Variants in TACR1 observed in about 807,000 individuals in gnomAD.
TACR1 encodes substance-P receptor.
Under a neutral mutation model 35.8 loss-of-function variants are expected in TACR1, and 25 were observed. That is an observed-to-expected ratio of 0.70 (90% CI 0.51 to 0.98). The LOEUF is 0.98. Among genes scored for constraint, TACR1 ranks in the 50% least tolerant of loss-of-function variants. The pLI, the probability that TACR1 is intolerant of heterozygous loss-of-function variation, is 0.00. For synonymous variants in TACR1, 195 were observed against 206.7 expected, an observed-to-expected ratio of 0.94 and a Z score of 0.48; for missense variants, 478 against 522.9, an observed-to-expected ratio of 0.91 and a Z score of 0.84.
intron 1 of TACR1, among the ~76,000 whole-genome samples, chr2:75,147,784 G>A (rs1674546211): frequency 6.7e-6 from 1 of 150,186 alleles, no homozygotes; most frequent in Non-Finnish European, 1.5e-5. Context: ...CCCTCTGTAG[G>A]CCAGGCTGGA....
chr2:75,096,427 T>G (rs950027202), intron 2 of TACR1, among the ~76,000 whole-genome samples: 6 of 152,210 alleles, frequency 3.9e-5, no homozygotes, highest in Admixed American at 3.3e-4. Context: ...AGATCTGGAT[T>G]TAAATCCTGG....
At chr2:75,175,405 G>T (rs1484750559) in intron 1 of TACR1, among the ~76,000 whole-genome samples, 1 of 152,128 alleles carries the variant, frequency 6.6e-6, no homozygotes, top group East Asian at 1.9e-4. Context: ...TCCTATTGCT[G>T]CTCAAAACGA....
intron 1 of TACR1, among the ~76,000 whole-genome samples, chr2:75,142,754 G>A (rs954295293): frequency 1.3e-5 from 2 of 152,162 alleles, no homozygotes; most frequent in Non-Finnish European, 2.9e-5. Flanking sequence ...ATCAGAGGGT[G>A]TGTGTTATTA....
chr2:75,097,345 C>T (rs3755463), intron 2 of TACR1, among the ~76,000 whole-genome samples: 99,768 of 151,664 alleles, frequency 0.66, 32,913 homozygotes, highest in Middle Eastern at 0.68. Flanking sequence ...TCCTTTCCCA[C>T]TCTGGGTTTT....
intron 1 of TACR1, among the ~76,000 whole-genome samples, chr2:75,183,058 A>G (rs905188611): frequency 1.4e-4 from 21 of 152,234 alleles, no homozygotes; most frequent in Non-Finnish European, 3.1e-4. Context: ...TCAGGTATAT[A>G]TGATGTAGGA....
chr2:75,121,066 A>G (rs950362378), intron 1 of TACR1, among the ~76,000 whole-genome samples: 5 of 152,250 alleles, frequency 3.3e-5, no homozygotes, highest in Non-Finnish European at 7.3e-5. Context: ...AGGACAGCCA[A>G]GTACAGGTAA....
intron 1 of TACR1, among the ~76,000 whole-genome samples, chr2:75,133,412 A>G (rs6736801): frequency 0.027 from 4,096 of 152,314 alleles, 179 homozygotes; most frequent in African/African-American, 0.09. Context: ...CTTTGACTTC[A>G]GTCCTTAGGA....
intron 2 of TACR1, among the ~76,000 whole-genome samples, chr2:75,107,059 AAAAT>A (rs1224463989): frequency 6.6e-6 from 1 of 151,896 alleles, no homozygotes; most frequent in African/African-American, 2.4e-5. Context: ...GGAAAAAACT[AAAAT>A]AAAATGATGA....
At chr2:75,108,453 C>G (rs1673692107) in intron 2 of TACR1, among the ~76,000 whole-genome samples, 1 of 152,052 alleles carries the variant, frequency 6.6e-6, no homozygotes, top group South Asian at 2.1e-4. Context: ...TATAATGCTT[C>G]TTAAAATAAT....
chr2:75,131,087 ATT>A (rs985325740), intron 1 of TACR1, among the ~76,000 whole-genome samples: 1 of 150,486 alleles, frequency 6.6e-6, no homozygotes, highest in Non-Finnish European at 1.5e-5. Context: ...TAATGAGCCA[ATT>A]TTTTTTTCTT....
chr2:75,176,433 TA>T (rs1405249836), intron 1 of TACR1, among the ~76,000 whole-genome samples: 1 of 152,126 alleles, frequency 6.6e-6, no homozygotes, highest in Non-Finnish European at 1.5e-5. Context: ...CATTGTGTTT[TA>T]CTCCCTTCAA....
At chr2:75,101,762 A>G (rs998283126) in intron 2 of TACR1, among the ~76,000 whole-genome samples, 1 of 152,130 alleles carries the variant, frequency 6.6e-6, no homozygotes, top group Non-Finnish European at 1.5e-5. Flanking sequence ...AGCCTGACCT[A>G]TATGGTGAAA....
At chr2:75,116,998 C>G (rs1349111267) in intron 2 of TACR1, among the ~76,000 whole-genome samples, 1 of 151,984 alleles carries the variant, frequency 6.6e-6, no homozygotes, top group African/African-American at 2.4e-5. Flanking sequence ...GTTTGAAACA[C>G]TTAGTTTTGT....
chr2:75,192,260 A>ACCAAAG (rs1675863464), intron 1 of TACR1, among the ~76,000 whole-genome samples: 2 of 151,728 alleles, frequency 1.3e-5, no homozygotes, highest in South Asian at 4.2e-4. Flanking sequence ...GGGACAGTTA[A>ACCAAAG]CCAGAGCTGG....
intron 2 of TACR1, among the ~76,000 whole-genome samples, chr2:75,092,777 C>T (rs902406263): frequency 6.6e-6 from 1 of 152,158 alleles, no homozygotes; most frequent in African/African-American, 2.4e-5. Context: ...CCTCCAAAGA[C>T]CACTTGGAAT....
At position 75,050,613 on chromosome 2, in the gene TACR1, C is replaced by T. The variant is rs149162554; in HGVS notation, c.932+638G>A. On this transcript the variant is annotated intron_variant, in intron 4 of 4. Coordinates refer to ENST00000305249, the MANE Select transcript of TACR1 (RefSeq NM_001058.4). ...ATGGGCTCTGCCTTCTCTTACTTCTCTGACATTGGCTTCTGCCATCTGCAG... is the reference window on the plus strand; with the variant it reads ...ATGGGCTCTGCCTTCTCTTACTTCTTTGACATTGGCTTCTGCCATCTGCAG... 4.7e-4 allele frequency among the ~76,000 whole-genome samples: 71 copies of T among 152,326 alleles called. 1 individual carries two copies. The East Asian group carries it at 0.012, about 26-fold the overall frequency.
chr2:75,090,759 A>G (rs1673292819), intron 2 of TACR1: 1 of 154,054 alleles, frequency 6.5e-6, no homozygotes, highest in South Asian at 2.0e-4. Flanking sequence ...GTTCCCCATC[A>G]GACCCATAGT....
chr2:75,198,960 C>T lies in TACR1; in HGVS notation c.-26G>A. 1 of 1,607,284 alleles carries T rather than the reference C, an allele frequency of 6.2e-7. No homozygotes were observed. The highest frequency in any genetic ancestry group is 1.3e-5 in the African/African-American group (1 of 74,986). ...TTCGAAGCTAGGCGGTAAAGCCCTA[C>T]TATCTGTACACAACCCCCCTCTGCA... On this transcript the variant is annotated 5_prime_UTR_variant, in exon 1 of 5. Transcript: ENST00000305249.
chr2:75,076,769 T>C (rs961416097), intron 2 of TACR1, among the ~76,000 whole-genome samples: 11 of 152,166 alleles, frequency 7.2e-5, no homozygotes, highest in Admixed American at 2.0e-4. Flanking sequence ...TCCTCATTTC[T>C]GAAGTGATGG....
Sources: allele counts gnomAD v4.1 joint callset (sites outside exome capture counted in the v4.1 genomes callset), GRCh38; gene constraint gnomAD v4.1.1; transcripts MANE v1.5; gene names NCBI Gene and HGNC (gene_info 2026-07-23, HGNC 2026-07-21).